Variants in GRIN3A observed in about 807,000 individuals in gnomAD.
GRIN3A encodes glutamate receptor ionotropic, NMDA 3A.
In GRIN3A, 47 loss-of-function variants were observed where a neutral mutation model predicts 92.4. The observed-to-expected ratio is 0.51, with a 90% CI of 0.40 to 0.65. The LOEUF is 0.65. GRIN3A is among the 30% of genes least tolerant of loss of function. GRIN3A has a pLI of 0.00. For synonymous variants in GRIN3A, 527 were observed against 540.6 expected, an observed-to-expected ratio of 0.97 and a Z score of 0.35; for missense variants, 1,324 against 1,393.1, an observed-to-expected ratio of 0.95 and a Z score of 0.79.
At chr9:101,665,333 T>C (rs1246993644) in intron 3 of GRIN3A, among the ~76,000 whole-genome samples, 1 of 151,844 alleles carries the variant, frequency 6.6e-6, no homozygotes, top group Non-Finnish European at 1.5e-5. Context: ...GGAGAGATTA[T>C]CTCAAGATAA....
intron 2 of GRIN3A, among the ~76,000 whole-genome samples, chr9:101,684,316 A>G (rs1977724): frequency 0.92 from 130,497 of 141,120 alleles, 60,539 homozygotes; most frequent in Middle Eastern, 0.98. Flanking sequence ...GTTTCACCAT[A>G]TTGGCCAGGA....
chr9:101,579,248 A>G lies in GRIN3A; in HGVS notation c.2879T>C (p.Leu960Pro). ...IGEHIVYRLL[L>P]PRIKNKSKLQ... is the part of the protein sequence containing the mutation. ...CTTGGATTTGTTTTTGATTCGTGGTAGCAGCAGCCTGTATACTATGTGCTC... is the reference window on the plus strand; with the variant it reads ...CTTGGATTTGTTTTTGATTCGTGGTGGCAGCAGCCTGTATACTATGTGCTC... The change falls in exon 7 of 9, where the codon CTA becomes CCA. Residue 960 changes from leucine to proline, a missense_variant. Transcript: ENST00000361820. The G allele has an allele frequency of 6.2e-7, 1 of 1,614,000 alleles. No individual in the cohort carries two copies. Among genetic ancestry groups the G allele is most frequent in the Non-Finnish European group, 8.5e-7 (1 of 1,179,918 alleles).
intron 6 of GRIN3A, chr9:101,595,051 C>G: frequency 1.0e-6 from 1 of 988,070 alleles, no homozygotes. Flanking sequence ...GGGCCCTGGT[C>G]GAGCAAAAGG....
At chr9:101,694,588 C>T (rs180811150) in intron 1 of GRIN3A, among the ~76,000 whole-genome samples, 1 of 152,160 alleles carries the variant, frequency 6.6e-6, no homozygotes, top group East Asian at 1.9e-4. Context: ...TCACCCAAAC[C>T]TTGGTAATCT....
chr9:101,610,574 CATCTATCTATCTATCT>C (rs145593614), intron 6 of GRIN3A, among the ~76,000 whole-genome samples: 60 of 139,458 alleles, frequency 4.3e-4, no homozygotes, highest in South Asian at 7.2e-4. Context: ...AGCTTGCATC[CATCTATCTATCTATCT>C]ATCTATCTAT....
chr9:101,674,610 A>T (rs1236270637), intron 2 of GRIN3A, among the ~76,000 whole-genome samples: 5 of 152,106 alleles, frequency 3.3e-5, no homozygotes, highest in Non-Finnish European at 7.4e-5. Flanking sequence ...ACTCAATGTA[A>T]GCCCATATAG....
At chr9:101,607,353 T>A (rs1291416332) in intron 6 of GRIN3A, among the ~76,000 whole-genome samples, 10 of 152,136 alleles carry the variant, frequency 6.6e-5, no homozygotes, top group Non-Finnish European at 1.2e-4. Flanking sequence ...TAAACTAGAA[T>A]TTTTTTCAGA....
intron 3 of GRIN3A, among the ~76,000 whole-genome samples, chr9:101,632,199 C>A (rs1035657199): frequency 1.3e-5 from 2 of 152,202 alleles, no homozygotes; most frequent in African/African-American, 4.8e-5. Flanking sequence ...CTTTGTCTAG[C>A]TAACTCTTAA....
At chr9:101,732,495 T>C (rs1830151537) in intron 1 of GRIN3A, among the ~76,000 whole-genome samples, 1 of 152,190 alleles carries the variant, frequency 6.6e-6, no homozygotes, top group Non-Finnish European at 1.5e-5. Flanking sequence ...ACAGAAACAG[T>C]ACTGTGGCAT....
At chr9:101,663,484 T>C (rs1829202154) in intron 3 of GRIN3A, among the ~76,000 whole-genome samples, 1 of 151,842 alleles carries the variant, frequency 6.6e-6, no homozygotes, top group African/African-American at 2.4e-5. Context: ...TGTAACTCAG[T>C]TTCTTTCCCC....
At chr9:101,581,666 G>T (rs1195013541) in intron 6 of GRIN3A, among the ~76,000 whole-genome samples, 4 of 152,088 alleles carry the variant, frequency 2.6e-5, no homozygotes, top group African/African-American at 9.7e-5. Context: ...CCAGAACTGT[G>T]GGGAATACAC....
At chr9:101,709,515 G>A (rs1453724238) in intron 1 of GRIN3A, among the ~76,000 whole-genome samples, 5 of 152,156 alleles carry the variant, frequency 3.3e-5, no homozygotes, top group Admixed American at 6.5e-5. Context: ...TCACGCTGCC[G>A]TCTAAGTTCT....
intron 6 of GRIN3A, among the ~76,000 whole-genome samples, chr9:101,588,690 C>CAT (rs1252395755): frequency 2.6e-5 from 4 of 152,068 alleles, no homozygotes; most frequent in Non-Finnish European, 4.4e-5. Flanking sequence ...GAACAATGAC[C>CAT]ATATGCACAC....
intron 6 of GRIN3A, chr9:101,594,819 A>T: frequency 6.2e-7 from 1 of 1,611,638 alleles, no homozygotes; most frequent in Non-Finnish European, 8.5e-7. Context: ...AGAGACCCTG[A>T]TTTGTCCAAG....
At chr9:101,646,929 A>C (rs189691404) in intron 3 of GRIN3A, among the ~76,000 whole-genome samples, 263 of 151,848 alleles carry the variant, frequency 1.7e-3, no homozygotes, top group Middle Eastern at 6.8e-3. Flanking sequence ...AATATAAAAA[A>C]AAATCTGTGA....
chr9:101,632,925 C>T (rs182193719), intron 3 of GRIN3A, among the ~76,000 whole-genome samples: 1 of 152,076 alleles, frequency 6.6e-6, no homozygotes, highest in Non-Finnish European at 1.5e-5. Flanking sequence ...AGCTAAATAC[C>T]TCACCAGCTC....
intron 1 of GRIN3A, 50 bp downstream of exon 1, chr9:101,737,231 C>G (rs762808612): frequency 6.6e-7 from 1 of 1,513,600 alleles, no homozygotes; most frequent in South Asian, 1.1e-5. Context: ...TGCAATGGCC[C>G]CGGCCCCCAG....
At chr9:101,718,274 C>T (rs564299857) in intron 1 of GRIN3A, among the ~76,000 whole-genome samples, 40 of 152,150 alleles carry the variant, frequency 2.6e-4, no homozygotes, top group African/African-American at 7.5e-4. Context: ...GAAAGATGAC[C>T]GTAGAAAAGT....
At chr9:101,623,811 T>A (rs1828591206) in intron 4 of GRIN3A, among the ~76,000 whole-genome samples, 1 of 152,236 alleles carries the variant, frequency 6.6e-6, no homozygotes, top group Non-Finnish European at 1.5e-5. Flanking sequence ...TCTATACCTT[T>A]TATCACTCAG....
Sources: allele counts gnomAD v4.1 joint callset (sites outside exome capture counted in the v4.1 genomes callset), GRCh38; gene constraint gnomAD v4.1.1; transcripts MANE v1.5; gene names NCBI Gene and HGNC (gene_info 2026-07-23, HGNC 2026-07-21).